FAM163A: variants seen among roughly 807,000 people sequenced by gnomAD.
FAM163A encodes family with sequence similarity 163 member A.
FAM163A carries 7 observed loss-of-function variants against 12.0 expected under a neutral mutation model. The ratio of observed to expected loss-of-function variants is 0.58; its 90% confidence interval spans 0.33 to 1.10. FAM163A has a LOEUF of 1.10. Among genes scored for constraint, FAM163A ranks in the 50% least tolerant of loss-of-function variants. The pLI, the probability that FAM163A is intolerant of heterozygous loss-of-function variation, is 0.03. For synonymous variants in FAM163A, 101 were observed against 91.0 expected (o/e 1.11, Z -0.62); for missense variants, 202 against 218.6 (o/e 0.92, Z 0.48).
At chr1:179,770,344 A>AGGAAG (rs1342034421) in intron 1 of FAM163A, among the ~76,000 whole-genome samples, 2 of 152,000 alleles carry the variant, frequency 1.3e-5, no homozygotes, top group Non-Finnish European at 1.5e-5. Flanking sequence ...TACCTGGGTT[A>AGGAAG]TTGCAATACT....
At chr1:179,803,208 TG>T (rs1317729970) in intron 1 of FAM163A, among the ~76,000 whole-genome samples, 1 of 152,184 alleles carries the variant, frequency 6.6e-6, no homozygotes, top group Non-Finnish European at 1.5e-5. Flanking sequence ...AGTTAATAAA[TG>T]ATTAGAGAAG....
rs571123955 is a variant in FAM163A at position 179,812,995 on chromosome 1, G to A, written c.-22-81G>A. The A allele has an allele frequency of 2.0e-5, 27 of 1,341,410 alleles. No homozygotes were observed. The East Asian group carries it at 4.1e-4, about 20-fold the overall frequency. The allele number at this position is 1,341,410 out of a possible 1,614,324, so 83.1% of individuals were successfully genotyped here. On this transcript the variant is annotated intron_variant, in intron 3 of 4. Coordinates refer to ENST00000341785, the MANE Select transcript of FAM163A (RefSeq NM_173509.3). ...CTCAGGCCCCCTGCCCCAGCCTCGG[G>A]GCAGTTCCAGGAAGACTCCCCCCGG...
chr1:179,808,909 C>T (rs753484480), intron 2 of FAM163A, among the ~76,000 whole-genome samples: 1 of 152,098 alleles, frequency 6.6e-6, no homozygotes, highest in Non-Finnish European at 1.5e-5. Flanking sequence ...TCATAGAGAG[C>T]CACTGAATGT....
At chr1:179,760,447 G>T (rs1444718483) in intron 1 of FAM163A, among the ~76,000 whole-genome samples, 2 of 152,186 alleles carry the variant, frequency 1.3e-5, no homozygotes, top group Non-Finnish European at 2.9e-5. Context: ...TAACTCAGGG[G>T]AAGGGGAGAT....
chr1:179,732,415 C>T, the FAM163A span, among the ~76,000 whole-genome samples: 1 of 152,188 alleles, frequency 6.6e-6, no homozygotes, highest in Admixed American at 6.5e-5. Context: ...TATGTCCCCA[C>T]AGAACCACAC....
At chr1:179,775,034 A>G (rs762967885) in intron 1 of FAM163A, among the ~76,000 whole-genome samples, 4 of 152,210 alleles carry the variant, frequency 2.6e-5, no homozygotes, top group Non-Finnish European at 5.9e-5. Context: ...GATTTATTGA[A>G]AATGAAAGTA....
chr1:179,798,835 A>G (rs745802572), intron 1 of FAM163A, among the ~76,000 whole-genome samples: 1 of 152,172 alleles, frequency 6.6e-6, no homozygotes, highest in Non-Finnish European at 1.5e-5. Flanking sequence ...TGTGAGATTC[A>G]TCTTGGACCT....
chr1:179,755,110 C>T (rs1233197640), intron 1 of FAM163A, among the ~76,000 whole-genome samples: 1 of 147,120 alleles, frequency 6.8e-6, no homozygotes, highest in African/African-American at 2.5e-5. Flanking sequence ...GCACTCTAGC[C>T]TGGACTACAG....
chr1:179,805,959 G>A (rs549096571), intron 1 of FAM163A, among the ~76,000 whole-genome samples: 4 of 152,120 alleles, frequency 2.6e-5, no homozygotes, highest in East Asian at 1.9e-4. Flanking sequence ...TCTGGAGGCC[G>A]CCTGCAGCCT....
chr1:179,786,470 G>C (rs1392009330), intron 1 of FAM163A, among the ~76,000 whole-genome samples: 1 of 152,236 alleles, frequency 6.6e-6, no homozygotes, highest in African/African-American at 2.4e-5. Flanking sequence ...ATGGACCTAG[G>C]AGCAGAGCTG....
At chr1:179,780,485 C>T (rs1208299929) in intron 1 of FAM163A, among the ~76,000 whole-genome samples, 1 of 152,188 alleles carries the variant, frequency 6.6e-6, no homozygotes, top group Non-Finnish European at 1.5e-5. Flanking sequence ...GCTCGGTGAT[C>T]GTTCTTCCTT....
chr1:179,728,966 C>T, the FAM163A span, among the ~76,000 whole-genome samples: 6 of 152,210 alleles, frequency 3.9e-5, no homozygotes, highest in South Asian at 2.1e-4. Flanking sequence ...CTTCTCAGTA[C>T]GTGCATCTGT....
intron 1 of FAM163A, among the ~76,000 whole-genome samples, chr1:179,760,889 C>T (rs1323717292): frequency 6.6e-6 from 1 of 152,222 alleles, no homozygotes; most frequent in Non-Finnish European, 1.5e-5. Context: ...CTTCCCACCC[C>T]ACTCCTGGCA....
At chr1:179,754,223 T>G (rs1267116076) in intron 1 of FAM163A, among the ~76,000 whole-genome samples, 6 of 152,106 alleles carry the variant, frequency 3.9e-5, no homozygotes, top group Admixed American at 6.5e-5. Context: ...GTTAGGGGAT[T>G]TAATCATACA....
chr1:179,767,529 C>G (rs1403139801), intron 1 of FAM163A, among the ~76,000 whole-genome samples: 2 of 152,172 alleles, frequency 1.3e-5, no homozygotes, highest in African/African-American at 4.8e-5. Flanking sequence ...GAGCCTTCTC[C>G]TTTTTTCCCT....
intron 1 of FAM163A, among the ~76,000 whole-genome samples, chr1:179,769,061 A>T (rs1483262280): frequency 6.6e-6 from 1 of 152,226 alleles, no homozygotes; most frequent in Non-Finnish European, 1.5e-5. Flanking sequence ...CAAAATCATT[A>T]TTGGAAAGTA....
At chr1:179,797,551 C>T (rs993776777) in intron 1 of FAM163A, among the ~76,000 whole-genome samples, 1 of 152,144 alleles carries the variant, frequency 6.6e-6, no homozygotes, top group Non-Finnish European at 1.5e-5. Flanking sequence ...ATATTATATA[C>T]TTGAAAATTG....
At position 179,814,271 on chromosome 1, in the gene FAM163A, C is replaced by T; in HGVS notation, c.*82C>T. ...GGGGTGATGAATGACCCTCCAACAG[C>T]CCCACATGGGTTGTTTCTGTTTCTT... On this transcript the variant is annotated 3_prime_UTR_variant, in exon 5 of 5. Transcript: ENST00000341785. The T allele has an allele frequency of 1.4e-6, 2 of 1,479,908 alleles. No homozygotes were observed. Among genetic ancestry groups the T allele is most frequent in the South Asian group, 1.3e-5 (1 of 74,894 alleles). 91.7% of individuals were successfully genotyped at this position (1,479,908 alleles called of 1,614,324 possible).
intron 1 of FAM163A, among the ~76,000 whole-genome samples, chr1:179,766,585 A>G (rs1037956233): frequency 6.6e-5 from 10 of 152,242 alleles, no homozygotes; most frequent in African/African-American, 2.4e-4. Context: ...ATAAATGTGT[A>G]TGCCTTTCCT....
Sources: gnomAD v4.1 joint callset for allele counts (sites outside exome capture counted in the v4.1 genomes callset) on GRCh38, gnomAD v4.1.1 for gene constraint, MANE v1.5 for transcripts, NCBI Gene and HGNC (gene_info 2026-07-23, HGNC 2026-07-21) for gene names.